NRXN1: variants seen among roughly 807,000 people sequenced by gnomAD.
NRXN1 encodes the protein neurexin-1.
NRXN1 carries 39 observed loss-of-function variants against 150.9 expected under a neutral mutation model. That is an observed-to-expected ratio of 0.26 (90% CI 0.20 to 0.34). NRXN1 has a LOEUF of 0.34. Among genes scored for constraint, NRXN1 ranks in the 10% least tolerant of loss-of-function variants. The pLI is 1.00. For synonymous variants in NRXN1, 924 were observed against 757.0 expected (o/e 1.22, Z -3.62); for missense variants, 1,815 against 1,949.9 (o/e 0.93, Z 1.30).
intron 5 of NRXN1, among the ~76,000 whole-genome samples, chr2:50,673,939 C>A (rs62142357): frequency 6.6e-6 from 1 of 151,908 alleles, no homozygotes; most frequent in African/African-American, 2.4e-5. Flanking sequence ...ACTCATCACC[C>A]GCCTGTCAGG....
chr2:50,246,129 A>G (rs747165011), intron 17 of NRXN1, among the ~76,000 whole-genome samples: 5 of 152,028 alleles, frequency 3.3e-5, no homozygotes, highest in African/African-American at 4.8e-5. Flanking sequence ...TCTATCCTGA[A>G]TCTTTAAAAG....
chr2:50,795,959 C>G (rs922249034), intron 5 of NRXN1, among the ~76,000 whole-genome samples: 3 of 151,978 alleles, frequency 2.0e-5, no homozygotes, highest in Admixed American at 2.0e-4. Context: ...TATTTCATCA[C>G]GCAATGACCC....
intron 5 of NRXN1, among the ~76,000 whole-genome samples, chr2:50,859,025 A>C (rs902415352): frequency 6.6e-6 from 1 of 152,166 alleles, no homozygotes; most frequent in Non-Finnish European, 1.5e-5. Flanking sequence ...ATTTTAAAGC[A>C]AATGGCATTA....
rs1222217816 is a variant in NRXN1, at chr2:51,027,659, G to A, written c.615C>T (p.Asp205=). 1.9e-6 allele frequency: 3 copies of A among 1,601,764 alleles called. No homozygotes were observed. The highest frequency in any genetic ancestry group is 4.5e-5 in the East Asian group (2 of 44,062). Residue 205 remains aspartate, a synonymous_variant, in exon 2 of 23, where the codon GAC becomes GAT. Coordinates refer to ENST00000401669, the MANE Select transcript of NRXN1 (RefSeq NM_001330078.2). The part of the protein sequence containing the change: ...LPVDSGEVKL[D]DEPPNSGGGS... ...CCCCGCCGCTGTTGGGCGGCTCATC[G>A]TCCAGCTTCACCTCGCCGCTGTCCA...
At chr2:50,830,779 A>G (rs1671299099) in intron 5 of NRXN1, among the ~76,000 whole-genome samples, 1 of 151,226 alleles carries the variant, frequency 6.6e-6, no homozygotes, top group African/African-American at 2.4e-5. Context: ...AATACAATTA[A>G]CTTTGAAAAA....
chr2:50,770,673 CT>C (rs1702905116), intron 5 of NRXN1, among the ~76,000 whole-genome samples: 1 of 151,844 alleles, frequency 6.6e-6, no homozygotes, highest in Admixed American at 6.6e-5. Context: ...TCAGCATATT[CT>C]TTTAAATTTT....
chr2:50,700,087 T>C (rs1314372607), intron 5 of NRXN1, among the ~76,000 whole-genome samples: 1 of 152,318 alleles, frequency 6.6e-6, no homozygotes, highest in Non-Finnish European at 1.5e-5. Flanking sequence ...GTTCTGAATA[T>C]ATGTTTGTCC....
chr2:51,024,678 T>G (rs1282120775), intron 2 of NRXN1, among the ~76,000 whole-genome samples: 4 of 152,156 alleles, frequency 2.6e-5, no homozygotes, highest in Non-Finnish European at 4.4e-5. Flanking sequence ...GGGGGAGAGA[T>G]AATATTTTTA....
intron 21 of NRXN1, among the ~76,000 whole-genome samples, chr2:49,993,296 A>C (rs917135579): frequency 1.3e-5 from 2 of 152,252 alleles, no homozygotes; most frequent in African/African-American, 4.8e-5. Flanking sequence ...ACTAAGTGAA[A>C]GAAGCCAATA....
intron 5 of NRXN1, among the ~76,000 whole-genome samples, chr2:50,696,535 G>A (rs1692892795): frequency 6.6e-6 from 1 of 152,140 alleles, no homozygotes; most frequent in South Asian, 2.1e-4. Context: ...GCAATGGGGT[G>A]AAGCAGGCGG....
At chr2:50,492,310 C>T (rs1268622635) in intron 15 of NRXN1, among the ~76,000 whole-genome samples, 1 of 152,164 alleles carries the variant, frequency 6.6e-6, no homozygotes, top group Admixed American at 6.5e-5. Flanking sequence ...AAGAGACACA[C>T]AACCCCCTGA....
chr2:50,909,557 G>A (rs1261771092), intron 5 of NRXN1, among the ~76,000 whole-genome samples: 2 of 152,064 alleles, frequency 1.3e-5, no homozygotes, highest in East Asian at 1.9e-4. Context: ...ATTCACTTAA[G>A]TGTTATCTCT....
At chr2:50,750,628 G>C (rs887732978) in intron 5 of NRXN1, among the ~76,000 whole-genome samples, 2 of 152,036 alleles carry the variant, frequency 1.3e-5, no homozygotes, top group Admixed American at 1.3e-4. Flanking sequence ...TTCCTTCTGT[G>C]CTTGGCTCAG....
chr2:50,380,939 T>C (rs1218121239), intron 17 of NRXN1, among the ~76,000 whole-genome samples: 1 of 152,160 alleles, frequency 6.6e-6, no homozygotes, highest in Non-Finnish European at 1.5e-5. Context: ...GAATCAATCA[T>C]TCTCTCATGT....
At position 49,921,691 on chromosome 2, in the gene NRXN1, C is replaced by G. The variant is rs949696059; in HGVS notation, c.*253G>C. 8 of 487,302 alleles carry G rather than the reference C, an allele frequency of 1.6e-5. No homozygotes were observed. Among genetic ancestry groups the G allele is most frequent in the African/African-American group, 1.4e-4 (7 of 51,288 alleles). 30.2% of individuals were successfully genotyped at this position (487,302 alleles called of 1,614,324 possible). ...TAGAAATGTTCCAGCAACATAAAGA[C>G]AAGCAGAGTAAATGAAAACACTGTG... On this transcript the variant is annotated 3_prime_UTR_variant, in exon 23 of 23. Coordinates refer to ENST00000401669, the MANE Select transcript of NRXN1 (RefSeq NM_001330078.2).
intron 12 of NRXN1, among the ~76,000 whole-genome samples, chr2:50,522,510 T>C (rs977694962): frequency 2.6e-5 from 4 of 152,138 alleles, no homozygotes. Flanking sequence ...CACAGCATTT[T>C]ATATTTGCAT....
intron 5 of NRXN1, among the ~76,000 whole-genome samples, chr2:50,847,644 G>A (rs1290347273): frequency 1.3e-5 from 2 of 152,188 alleles, no homozygotes; most frequent in African/African-American, 4.8e-5. Context: ...ACACACAGAA[G>A]CGGCTGGATA....
intron 21 of NRXN1, among the ~76,000 whole-genome samples, chr2:49,985,166 T>G (rs1033176178): frequency 1.3e-5 from 2 of 152,064 alleles, no homozygotes; most frequent in Admixed American, 1.3e-4. Context: ...CCATAAGGTA[T>G]CAATAAGATA....
rs1278063686 is a variant in NRXN1, at chr2:49,921,555, G to A, written c.*389C>T. On this transcript the variant is annotated 3_prime_UTR_variant, in exon 23 of 23. Transcript: ENST00000401669. Reference sequence around the variant, plus strand: ...AGCGCTAGCACTTTGGCTAAATCCAGGATCATAGGTAGCTTCTTTTTTGTG... The same window carrying A: ...AGCGCTAGCACTTTGGCTAAATCCAAGATCATAGGTAGCTTCTTTTTTGTG... 1 of 179,806 alleles carries A rather than the reference G, an allele frequency of 5.6e-6. No individual in the cohort carries two copies. Among genetic ancestry groups the A allele is most frequent in the Non-Finnish European group, 1.2e-5 (1 of 85,648 alleles). 11.1% of individuals were successfully genotyped at this position (179,806 alleles called of 1,614,324 possible).
Sources: gnomAD v4.1 joint callset for allele counts (sites outside exome capture counted in the v4.1 genomes callset) on GRCh38, gnomAD v4.1.1 for gene constraint, MANE v1.5 for transcripts, NCBI Gene and HGNC (gene_info 2026-07-23, HGNC 2026-07-21) for gene names.